Variants in CDH18 observed in about 807,000 individuals in gnomAD.
CDH18 encodes the protein cadherin-18.
In CDH18, 31 loss-of-function variants were observed where a neutral mutation model predicts 67.9. The observed-to-expected ratio is 0.46, with a 90% CI of 0.34 to 0.62. CDH18 has a LOEUF of 0.62. CDH18 is among the 20% of genes least tolerant of loss of function. The pLI is 0.01. For synonymous variants in CDH18, 362 were observed against 347.2 expected (o/e 1.04, Z -0.48); for missense variants, 890 against 975.5 (o/e 0.91, Z 1.17).
intron 2 of CDH18, among the ~76,000 whole-genome samples, chr5:20,050,905 G>A (rs1741363740): frequency 6.6e-6 from 1 of 151,738 alleles, no homozygotes; most frequent in African/African-American, 2.4e-5. Flanking sequence ...CATGGGGAAA[G>A]CTATTATTTG....
chr5:20,358,362 G>T (rs1474892336), intron 1 of CDH18, among the ~76,000 whole-genome samples: 1 of 152,244 alleles, frequency 6.6e-6, no homozygotes, highest in African/African-American at 2.4e-5. Context: ...CTAGACCAAA[G>T]AATTGAAAGT....
chr5:19,579,905 C>A (rs1024957652), intron 7 of CDH18, among the ~76,000 whole-genome samples: 3 of 151,550 alleles, frequency 2.0e-5, no homozygotes, highest in African/African-American at 4.8e-5. Context: ...TCCACCCCCC[C>A]CAAAGAAATA....
intron 1 of CDH18, among the ~76,000 whole-genome samples, chr5:20,475,286 A>AT (rs112011491): frequency 2.6e-4 from 39 of 151,610 alleles, no homozygotes; most frequent in African/African-American, 7.5e-4. Flanking sequence ...GCATTTGCTG[A>AT]TTTTTTTTTA....
chr5:19,502,543 A>G, intron 11 of CDH18: 1 of 255,084 alleles, frequency 3.9e-6, no homozygotes, highest in Non-Finnish European at 7.4e-6. Context: ...GACAATGCTT[A>G]TAATAACAAG....
chr5:19,507,425 A>G (rs1744377400), intron 10 of CDH18, among the ~76,000 whole-genome samples: 1 of 152,208 alleles, frequency 6.6e-6, no homozygotes, highest in South Asian at 2.1e-4. Context: ...AAAGGATTAT[A>G]AATCATGCTG....
At chr5:19,725,632 G>A (rs1234673417) in intron 4 of CDH18, among the ~76,000 whole-genome samples, 1 of 152,046 alleles carries the variant, frequency 6.6e-6, no homozygotes, top group African/African-American at 2.4e-5. Context: ...ATCTGGACGT[G>A]GTGGTGCATG....
intron 7 of CDH18, among the ~76,000 whole-genome samples, chr5:19,574,190 C>A (rs955553047): frequency 1.3e-5 from 2 of 152,104 alleles, no homozygotes; most frequent in African/African-American, 4.8e-5. Context: ...TTAGCAGGTC[C>A]CCTGGCAAGT....
intron 1 of CDH18, among the ~76,000 whole-genome samples, chr5:20,395,686 T>C (rs75654232): frequency 0.018 from 2,770 of 152,236 alleles, 94 homozygotes; most frequent in African/African-American, 0.063. Flanking sequence ...AATAGGAGTG[T>C]CTTTTGTATG....
intron 1 of CDH18, among the ~76,000 whole-genome samples, chr5:20,361,292 T>C (rs1031493753): frequency 6.6e-6 from 1 of 152,014 alleles, no homozygotes; most frequent in Non-Finnish European, 1.5e-5. Flanking sequence ...TATGCCAAAC[T>C]AATAACTGAA....
intron 9 of CDH18, among the ~76,000 whole-genome samples, chr5:19,531,247 T>C (rs1748572816): frequency 6.6e-6 from 1 of 152,232 alleles, no homozygotes. Context: ...CTGCATATAT[T>C]AAAATCTCAA....
intron 1 of CDH18, among the ~76,000 whole-genome samples, chr5:20,295,403 A>G (rs1239264980): frequency 6.6e-6 from 1 of 152,156 alleles, no homozygotes; most frequent in Non-Finnish European, 1.5e-5. Flanking sequence ...AATGATTATC[A>G]AACACTTTTC....
chr5:19,489,239 C>CTT (rs796445512), intron 11 of CDH18, among the ~76,000 whole-genome samples: 3 of 139,658 alleles, frequency 2.1e-5, no homozygotes, highest in East Asian at 2.1e-4. Flanking sequence ...AGTGTTTGTT[C>CTT]TTTTTTTTTT....
intron 1 of CDH18, among the ~76,000 whole-genome samples, chr5:19,987,334 A>G (rs759377687): frequency 2.6e-5 from 4 of 152,082 alleles, no homozygotes; most frequent in Non-Finnish European, 4.4e-5. Context: ...AAAAATCAAG[A>G]CAAAATAATA....
chr5:20,339,657 G>T (rs895788677), intron 1 of CDH18, among the ~76,000 whole-genome samples: 2 of 152,032 alleles, frequency 1.3e-5, no homozygotes, highest in African/African-American at 4.8e-5. Context: ...GTGGCCCCTG[G>T]CCTTACTCAT....
chr5:19,844,739 G>A (rs1335317164), intron 2 of CDH18, among the ~76,000 whole-genome samples: 2 of 152,142 alleles, frequency 1.3e-5, no homozygotes, highest in African/African-American at 4.8e-5. Flanking sequence ...GTGATGGTGA[G>A]CTCTGCAGAT....
intron 2 of CDH18, among the ~76,000 whole-genome samples, chr5:20,206,900 C>G (rs758807070): frequency 2.6e-4 from 39 of 151,820 alleles, no homozygotes; most frequent in Non-Finnish European, 4.7e-4. Flanking sequence ...TCATACTGAA[C>G]AGGGGAAAAT....
chr5:19,731,319 C>T (rs1303768432), intron 4 of CDH18, among the ~76,000 whole-genome samples: 2 of 151,932 alleles, frequency 1.3e-5, no homozygotes, highest in Non-Finnish European at 2.9e-5. Flanking sequence ...GGTGTGGTGG[C>T]GGGCGCCTGT....
intron 1 of CDH18, among the ~76,000 whole-genome samples, chr5:20,534,525 A>C (rs1321211002): frequency 1.3e-5 from 2 of 152,068 alleles, no homozygotes; most frequent in African/African-American, 2.4e-5. Flanking sequence ...TTTATGAGTA[A>C]AAAAAGGTCA....
chr5:19,603,837 CATAA>C (rs1379620676), intron 6 of CDH18, among the ~76,000 whole-genome samples: 9 of 148,778 alleles, frequency 6.0e-5, no homozygotes, highest in Admixed American at 2.0e-4. Context: ...ATTATAAATA[CATAA>C]ATAAAATATA....
Sources: allele counts gnomAD v4.1 joint callset (sites outside exome capture counted in the v4.1 genomes callset), GRCh38; gene constraint gnomAD v4.1.1; transcripts MANE v1.5; gene names NCBI Gene and HGNC (gene_info 2026-07-23, HGNC 2026-07-21).